Variants in TMEM132D observed in about 807,000 individuals in gnomAD.
The protein encoded by TMEM132D is transmembrane protein 132D.
In TMEM132D, 21 loss-of-function variants were observed where a neutral mutation model predicts 62.3. That is an observed-to-expected ratio of 0.34 (90% CI 0.24 to 0.49). The LOEUF (loss-of-function observed/expected upper bound fraction) is 0.49. Among genes scored for constraint, TMEM132D ranks in the 20% least tolerant of loss-of-function variants. The pLI, the probability that TMEM132D is intolerant of heterozygous loss-of-function variation, is 0.99. For synonymous variants in TMEM132D, 621 were observed against 575.6 expected, an observed-to-expected ratio of 1.08 and a Z score of -1.13; for missense variants, 1,346 against 1,402.8, an observed-to-expected ratio of 0.96 and a Z score of 0.65.
rs138805981 is a variant in TMEM132D, at chr12:129,567,465, C to T, written c.969-36260G>A. 4.9e-3 allele frequency among the ~76,000 whole-genome samples: 749 copies of T among 152,240 alleles called. 8 individuals carry two copies. The highest frequency in any genetic ancestry group is 0.017 in the African/African-American group (709 of 41,546). ...ATTAAAAAAGTATATATGCAATAAT[C>T]TGAAAAAGCTATTAAAATATTCTCT... On this transcript the variant is annotated intron_variant, in intron 2 of 8. Transcript: ENST00000422113.
chr12:129,404,652 G>A (rs750175545), intron 3 of TMEM132D, among the ~76,000 whole-genome samples: 8 of 152,178 alleles, frequency 5.3e-5, no homozygotes, highest in Non-Finnish European at 1.2e-4. Context: ...GTGAGAGTGG[G>A]AACAAGGGAG....
At chr12:129,308,419 A>T (rs1476833318) in intron 4 of TMEM132D, among the ~76,000 whole-genome samples, 1 of 152,224 alleles carries the variant, frequency 6.6e-6, no homozygotes, top group Non-Finnish European at 1.5e-5. Context: ...TCTAATTTGC[A>T]TTTATGGTAC....
At chr12:129,306,049 T>C (rs1881839616) in intron 4 of TMEM132D, among the ~76,000 whole-genome samples, 1 of 152,014 alleles carries the variant, frequency 6.6e-6, no homozygotes, top group African/African-American at 2.4e-5. Flanking sequence ...AGGGAACGGG[T>C]TTAACTCAGA....
At chr12:129,276,950 G>A (rs1187695221) in intron 4 of TMEM132D, among the ~76,000 whole-genome samples, 3 of 152,212 alleles carry the variant, frequency 2.0e-5, no homozygotes, top group Non-Finnish European at 2.9e-5. Context: ...CGCACCAGGT[G>A]CCCTTCGTGA....
chr12:129,493,477 C>T (rs1874860366), intron 3 of TMEM132D, among the ~76,000 whole-genome samples: 1 of 152,200 alleles, frequency 6.6e-6, no homozygotes. Flanking sequence ...TAATTGTCTT[C>T]TTCAGAATCA....
chr12:129,236,312 C>T (rs975951811), intron 4 of TMEM132D, among the ~76,000 whole-genome samples: 1 of 151,672 alleles, frequency 6.6e-6, no homozygotes, highest in Non-Finnish European at 1.5e-5. Context: ...GTCAGGAGTT[C>T]AAGACCAGCC....
chr12:129,618,589 A>C (rs999528459), intron 2 of TMEM132D, among the ~76,000 whole-genome samples: 4 of 152,250 alleles, frequency 2.6e-5, no homozygotes, highest in African/African-American at 9.6e-5. Context: ...AGAAGAGAAG[A>C]GGAATCAAAT....
At chr12:129,764,565 C>T (rs767275495) in intron 1 of TMEM132D, among the ~76,000 whole-genome samples, 3 of 146,312 alleles carry the variant, frequency 2.1e-5, no homozygotes, top group South Asian at 4.6e-4. Flanking sequence ...TGTGTGTGCA[C>T]GTGCATGTGT....
chr12:129,222,433 T>C (rs73163152), intron 4 of TMEM132D, among the ~76,000 whole-genome samples: 19,080 of 152,224 alleles, frequency 0.13, 1,304 homozygotes, highest in African/African-American at 0.15. Context: ...AACTCTTCTA[T>C]GTTATAAAGG....
At chr12:129,454,986 A>T (rs7957005) in intron 3 of TMEM132D, among the ~76,000 whole-genome samples, 1 of 152,070 alleles carries the variant, frequency 6.6e-6, no homozygotes, top group South Asian at 2.1e-4. Flanking sequence ...AAGGGTCCAA[A>T]TCAACACTCA....
At chr12:129,253,346 G>A (rs907390633) in intron 4 of TMEM132D, among the ~76,000 whole-genome samples, 1 of 151,992 alleles carries the variant, frequency 6.6e-6, no homozygotes, top group Non-Finnish European at 1.5e-5. Flanking sequence ...TAGCTAAATG[G>A]CAGACAACTT....
At chr12:129,591,131 G>A (rs74512703) in intron 2 of TMEM132D, among the ~76,000 whole-genome samples, 8 of 152,140 alleles carry the variant, frequency 5.3e-5, no homozygotes, top group South Asian at 2.1e-4. Context: ...TACAAACTCC[G>A]AATAGCAGGC....
chr12:129,780,163 C>T (rs895731425), intron 1 of TMEM132D, among the ~76,000 whole-genome samples: 5 of 152,242 alleles, frequency 3.3e-5, no homozygotes, highest in Admixed American at 6.5e-5. Context: ...GAGCACCGGT[C>T]GCTTTTCTGC....
chr12:129,646,398 C>T (rs748113690), intron 2 of TMEM132D, among the ~76,000 whole-genome samples: 1 of 152,128 alleles, frequency 6.6e-6, no homozygotes, highest in Non-Finnish European at 1.5e-5. Context: ...TTCTGCTACT[C>T]GGCCATGACT....
At chr12:129,195,796 C>T (rs906557328) in intron 5 of TMEM132D, among the ~76,000 whole-genome samples, 2 of 152,054 alleles carry the variant, frequency 1.3e-5, no homozygotes, top group Admixed American at 6.5e-5. Flanking sequence ...TTAAATGGAT[C>T]GTGTCCATTC....
At chr12:129,860,657 C>T (rs11611675) in intron 1 of TMEM132D, among the ~76,000 whole-genome samples, 17,361 of 152,204 alleles carry the variant, frequency 0.11, 1,263 homozygotes, top group Admixed American at 0.17. Context: ...CATTCTCACG[C>T]TGCTATAAAA....
chr12:129,159,485 G>A (rs185450555), intron 5 of TMEM132D, among the ~76,000 whole-genome samples: 41 of 152,214 alleles, frequency 2.7e-4, no homozygotes, highest in African/African-American at 9.4e-4. Flanking sequence ...GACCAGACAC[G>A]GGCACTCACA....
At chr12:129,495,006 G>A (rs548877575) in intron 3 of TMEM132D, among the ~76,000 whole-genome samples, 17 of 152,180 alleles carry the variant, frequency 1.1e-4, no homozygotes, top group African/African-American at 4.1e-4. Context: ...TGGTGTTGAG[G>A]GAAGCCCGGT....
intron 5 of TMEM132D, among the ~76,000 whole-genome samples, chr12:129,119,213 G>A (rs1875987514): frequency 6.6e-6 from 1 of 152,208 alleles, no homozygotes; most frequent in Non-Finnish European, 1.5e-5. Flanking sequence ...TTAGGGGAAT[G>A]CATGCAGTTG....
Sources: gnomAD v4.1 joint callset for allele counts (sites outside exome capture counted in the v4.1 genomes callset) on GRCh38, gnomAD v4.1.1 for gene constraint, MANE v1.5 for transcripts, NCBI Gene and HGNC (gene_info 2026-07-23, HGNC 2026-07-21) for gene names.